The following KCNJ6 variants were observed in gnomAD, a reference collection of about 807,000 sequenced individuals.
KCNJ6 encodes the protein potassium inwardly rectifying channel subfamily J member 6, also known as G protein-activated inward rectifier potassium channel 2.
KCNJ6 carries 9 observed loss-of-function variants against 34.2 expected under a neutral mutation model. The ratio of observed to expected loss-of-function variants is 0.26; its 90% CI spans 0.16 to 0.46. KCNJ6 has a LOEUF of 0.46. KCNJ6 is among the 20% of genes least tolerant of loss of function. KCNJ6 has a pLI of 1.00. For synonymous variants in KCNJ6, 196 were observed against 207.1 expected (o/e 0.95, Z 0.46); for missense variants, 236 against 531.3 (o/e 0.44, Z 5.46).
chr21:37,809,697 C>A (rs2055312814), intron 2 of KCNJ6, among the ~76,000 whole-genome samples: 1 of 152,214 alleles, frequency 6.6e-6, no homozygotes, highest in Admixed American at 6.5e-5. Context: ...TCCATTTTCT[C>A]CTCCTGTGGG....
At chr21:37,745,836 A>T (rs1390746679) in intron 2 of KCNJ6, among the ~76,000 whole-genome samples, 1 of 152,190 alleles carries the variant, frequency 6.6e-6, no homozygotes, top group Non-Finnish European at 1.5e-5. Flanking sequence ...CACACGTCCC[A>T]CTAGGGCAGC....
At chr21:37,833,304 T>A (rs977277410) in intron 2 of KCNJ6, among the ~76,000 whole-genome samples, 1 of 152,176 alleles carries the variant, frequency 6.6e-6, no homozygotes, top group Non-Finnish European at 1.5e-5. Context: ...CATGAGCCAC[T>A]GCACCCGGCT....
chr21:37,914,425 C>A (rs963146303), intron 1 of KCNJ6, among the ~76,000 whole-genome samples: 2 of 152,134 alleles, frequency 1.3e-5, no homozygotes, highest in African/African-American at 2.4e-5. Context: ...CCCCAGGCAA[C>A]TTTCGGGAGG....
chr21:37,784,446 A>G (rs185053590), intron 2 of KCNJ6, among the ~76,000 whole-genome samples: 40 of 152,310 alleles, frequency 2.6e-4, no homozygotes, highest in Admixed American at 2.4e-3. Flanking sequence ...TGGGTTGTAC[A>G]TTGTCCCCAC....
chr21:37,797,198 G>A (rs1204733340), intron 2 of KCNJ6, among the ~76,000 whole-genome samples: 1 of 152,062 alleles, frequency 6.6e-6, no homozygotes, highest in Non-Finnish European at 1.5e-5. Context: ...TTACAAGCAT[G>A]TGCCACCATG....
In KCNJ6 at chr21:37,656,771, C is replaced by T. The variant is rs549076362; in HGVS notation, c.947-31287G>A. On this transcript the variant is annotated intron_variant, in intron 3 of 3. Coordinates refer to ENST00000609713, the MANE Select transcript of KCNJ6 (RefSeq NM_002240.5). ...GGATGGAAGAGAAATTCACATTCTA[C>T]GTGGCCAAGCCTCCTGTCTCTCTTC... is the stretch of plus-strand genomic sequence containing the variant. Among the ~76,000 whole-genome samples, 5 of 152,332 alleles carry T rather than the reference C, an allele frequency of 3.3e-5. No homozygotes were observed. The South Asian group carries it at 8.3e-4, about 25-fold the overall frequency.
intron 3 of KCNJ6, among the ~76,000 whole-genome samples, chr21:37,710,887 C>T (rs1451523178): frequency 6.6e-6 from 1 of 152,122 alleles, no homozygotes; most frequent in Non-Finnish European, 1.5e-5. Context: ...ACAGCCAACT[C>T]CTAGATGTCT....
chr21:37,782,795 C>T (rs2055175819), intron 2 of KCNJ6, among the ~76,000 whole-genome samples: 1 of 152,154 alleles, frequency 6.6e-6, no homozygotes, highest in Non-Finnish European at 1.5e-5. Context: ...TATTTATCTA[C>T]ACTCAGGTGC....
intron 2 of KCNJ6, among the ~76,000 whole-genome samples, chr21:37,728,018 C>T (rs372810625): frequency 5.3e-5 from 8 of 152,150 alleles, no homozygotes; most frequent in South Asian, 2.1e-4. Flanking sequence ...TTCATAGCAG[C>T]GTTATTCACA....
In KCNJ6 at chr21:37,621,054, A is replaced by G. The variant is rs922129787; in HGVS notation, c.*4105T>C. The G allele has an allele frequency of 2.6e-5, 4 of 152,240 alleles. No individual in the cohort carries two copies. Among genetic ancestry groups the G allele is most frequent in the Non-Finnish European group, 5.9e-5 (4 of 68,038 alleles). The allele number at this position is 152,240 out of a possible 1,614,324, so 9.4% of individuals were successfully genotyped here. A position where few individuals can be genotyped will look rare whatever the true frequency, so the allele number is the denominator to read the frequency against. Reference sequence around the variant, plus strand: ...TATTGTAAAGTAATATCAATGAATCATCTATTATGTATATGTTACCTATGT... The same window carrying G: ...TATTGTAAAGTAATATCAATGAATCGTCTATTATGTATATGTTACCTATGT... On this transcript the variant is annotated 3_prime_UTR_variant, in exon 4 of 4. Transcript: ENST00000609713.
chr21:37,875,500 A>G (rs1468558141), intron 1 of KCNJ6, among the ~76,000 whole-genome samples: 1 of 152,160 alleles, frequency 6.6e-6, no homozygotes, highest in Non-Finnish European at 1.5e-5. Context: ...GGGCCAGGTC[A>G]CAGGAGGCTC....
At chr21:37,722,933 C>T (rs561983386) in intron 2 of KCNJ6, among the ~76,000 whole-genome samples, 21 of 152,248 alleles carry the variant, frequency 1.4e-4, no homozygotes, top group Admixed American at 1.3e-3. Context: ...AAAGTTGATA[C>T]GCAGGCCCTA....
At chr21:37,668,344 T>C (rs1345945833) in intron 3 of KCNJ6, among the ~76,000 whole-genome samples, 1 of 152,148 alleles carries the variant, frequency 6.6e-6, no homozygotes, top group Admixed American at 6.5e-5. Flanking sequence ...AAACCACAGA[T>C]GGCGCCTTAA....
intron 3 of KCNJ6, among the ~76,000 whole-genome samples, chr21:37,656,976 G>A (rs777838093): frequency 1.3e-5 from 2 of 152,192 alleles, no homozygotes; most frequent in African/African-American, 2.4e-5. Flanking sequence ...CAGTGATGGC[G>A]CTGTCCTGTT....
intron 1 of KCNJ6, among the ~76,000 whole-genome samples, chr21:37,885,893 A>T (rs2055733143): frequency 1.3e-5 from 2 of 152,298 alleles, no homozygotes; most frequent in South Asian, 4.1e-4. Flanking sequence ...GTAGATGACT[A>T]CTGCATGCCT....
At chr21:37,734,173 T>A (rs1192469730) in intron 2 of KCNJ6, among the ~76,000 whole-genome samples, 1 of 152,180 alleles carries the variant, frequency 6.6e-6, no homozygotes, top group Non-Finnish European at 1.5e-5. Context: ...ACCTTTCTAT[T>A]GTGTCAGGTT....
At chr21:37,777,313 G>A (rs543833161) in intron 2 of KCNJ6, among the ~76,000 whole-genome samples, 4 of 152,112 alleles carry the variant, frequency 2.6e-5, no homozygotes, top group South Asian at 2.1e-4. Flanking sequence ...TCAAACAGGG[G>A]CATTTCTGTC....
chr21:37,857,371 T>C (rs2055570431), intron 1 of KCNJ6, among the ~76,000 whole-genome samples: 1 of 152,220 alleles, frequency 6.6e-6, no homozygotes, highest in East Asian at 1.9e-4. Flanking sequence ...TACCAATGTT[T>C]AGAGCAACAA....
At chr21:37,700,333 T>C (rs939697374) in intron 3 of KCNJ6, among the ~76,000 whole-genome samples, 1 of 152,174 alleles carries the variant, frequency 6.6e-6, no homozygotes, top group African/African-American at 2.4e-5. Flanking sequence ...TCACAGCACA[T>C]GTGCAGGCCA....
Sources: gnomAD v4.1 joint callset for allele counts (sites outside exome capture counted in the v4.1 genomes callset) on GRCh38, gnomAD v4.1.1 for gene constraint, MANE v1.5 for transcripts, NCBI Gene and HGNC (gene_info 2026-07-23, HGNC 2026-07-21) for gene names.